ZNF581: variants seen among roughly 807,000 people sequenced by gnomAD.
ZNF581 encodes zinc finger protein 581.
A neutral mutation model predicts 1.2 loss-of-function variants in ZNF581; 1 was observed. The ratio of observed to expected loss-of-function variants is 0.83; its 90% CI spans 0.30 to 3.95. ZNF581 has a LOEUF of 3.95. ZNF581 is among the 30% of genes most tolerant of loss of function. The pLI, the probability that ZNF581 is intolerant of heterozygous loss-of-function variation, is 0.18. For synonymous variants in ZNF581, 105 were observed against 109.2 expected, an observed-to-expected ratio of 0.96 and a Z score of 0.24; for missense variants, 273 against 274.6, an observed-to-expected ratio of 0.99 and a Z score of 0.04.
At position 55,644,630 on chromosome 19, in the gene ZNF581, T is replaced by C; in HGVS notation, c.59T>C (p.Met20Thr). 4 of 1,610,592 alleles carry C rather than the reference T, an allele frequency of 2.5e-6. No homozygotes were observed. The highest frequency in any genetic ancestry group is 2.2e-5 in the South Asian group (2 of 90,328). ...QPLAFSSVET[M>T]EGPPRRTCRS... Reference sequence around the variant, plus strand: ...CTGGCATTTTCCTCCGTTGAGACCATGGAGGGCCCTCCCCGTCGGACTTGC... The same window carrying C: ...CTGGCATTTTCCTCCGTTGAGACCACGGAGGGCCCTCCCCGTCGGACTTGC... The change falls in exon 2 of 2, where the codon ATG (methionine) becomes ACG (threonine). Residue 20 changes from methionine to threonine, a missense_variant. Met to Thr is a moderately conservative substitution (Grantham distance 81, BLOSUM62 -1). Transcript: ENST00000270451. This position sits in a 1 kb window ranked among gnomAD's most constrained non-coding sequence, Gnocchi z 4.3.
chr19:55,636,487 A>G (rs545755928), upstream of ZNF581, among the ~76,000 whole-genome samples: 4 of 152,120 alleles, frequency 2.6e-5, no homozygotes, highest in South Asian at 4.1e-4. Context: ...GTAGGGAGGT[A>G]ATGCTTCACT....
upstream of ZNF581, among the ~76,000 whole-genome samples, chr19:55,636,975 CAG>C (rs1319438548): frequency 5.3e-5 from 8 of 152,148 alleles, no homozygotes; most frequent in Non-Finnish European, 1.2e-4. Context: ...CAGGGCCTTG[CAG>C]AGTGTCTGGG....
chr19:55,638,515 G>A (rs1044574082), upstream of ZNF581, among the ~76,000 whole-genome samples: 4 of 152,160 alleles, frequency 2.6e-5, no homozygotes, highest in Admixed American at 1.3e-4. Context: ...GATTACAGGC[G>A]TGAGCCACCA....
upstream of ZNF581, among the ~76,000 whole-genome samples, chr19:55,638,228 CTTTT>C (rs997629803): frequency 1.3e-5 from 2 of 151,634 alleles, no homozygotes; most frequent in Non-Finnish European, 2.9e-5. Flanking sequence ...AGGTGACACG[CTTTT>C]TTGTTTGTTT....
chr19:55,635,140 G>C (rs1471654797), upstream of ZNF581: 1 of 152,344 alleles, frequency 6.6e-6, no homozygotes, highest in Admixed American at 6.5e-5. Flanking sequence ...GTGTGGGACA[G>C]AGTGGCCCCC....
At chr19:55,641,369 G>A (rs901207793), upstream of ZNF581, among the ~76,000 whole-genome samples, 2 of 152,198 alleles carry the variant, frequency 1.3e-5, no homozygotes, top group Non-Finnish European at 2.9e-5. Context: ...AATAGGAGGG[G>A]CCCCAGGGCC....
At chr19:55,640,869 C>CG, upstream of ZNF581, 3 of 985,428 alleles carry the variant, frequency 3.0e-6, no homozygotes, top group South Asian at 4.7e-5. Flanking sequence ...GCGGGGCCGC[C>CG]GGGGGCGGGC....
chr19:55,640,896 A>G (rs115677751), upstream of ZNF581: 2,293 of 984,910 alleles, frequency 2.3e-3, 44 homozygotes, highest in African/African-American at 0.038. Context: ...AGTGGACCCC[A>G]CGCCTCCGGT....
At chr19:55,643,420 C>T (rs1446277112), upstream of ZNF581, 1 of 225,138 alleles carries the variant, frequency 4.4e-6, no homozygotes, top group South Asian at 1.8e-4. Flanking sequence ...GTATCTACCC[C>T]CCTTCCGCCC....
At chr19:55,642,767 G>A, upstream of ZNF581, 1 of 1,545,410 alleles carries the variant, frequency 6.5e-7, no homozygotes, top group Non-Finnish European at 8.7e-7. Context: ...AGGAGAGCCC[G>A]GCCCTCGCAA....
upstream of ZNF581, chr19:55,642,067 G>T (rs1269184039): frequency 7.1e-6 from 7 of 988,002 alleles, no homozygotes; most frequent in East Asian, 6.7e-4. Context: ...CTGAACTGGG[G>T]CTGGGCAACA....
At chr19:55,642,636 C>T, upstream of ZNF581, 2 of 1,436,118 alleles carry the variant, frequency 1.4e-6, no homozygotes, top group Non-Finnish European at 9.1e-7. Context: ...TCCTCGGCGG[C>T]GGGGCCCCGA....
chr19:55,637,480 T>G (rs1021333227), upstream of ZNF581, among the ~76,000 whole-genome samples: 5 of 151,944 alleles, frequency 3.3e-5, no homozygotes, highest in Non-Finnish European at 5.9e-5. Flanking sequence ...GAGGCTGCAG[T>G]GAGCTGAGAT....
At position 55,645,001 on chromosome 19, in the gene ZNF581, C is replaced by G. The variant is rs1352261248; in HGVS notation, c.430C>G (p.Pro144Ala). ...CATTCACCTGGCGGGTGGTGGGCGGCCCCACGGCTGCCCGCTCTGCCCTCG... is the reference window on the plus strand; with the variant it reads ...CATTCACCTGGCGGGTGGTGGGCGGGCCCACGGCTGCCCGCTCTGCCCTCG... ...HSIHLAGGGRPHGCPLCPRRF... is the reference protein window; with the variant it reads ...HSIHLAGGGRAHGCPLCPRRF... Residue 144 changes from proline (P) to alanine (A), a missense_variant, in exon 2 of 2, where the codon CCC (proline) becomes GCC (alanine). By Grantham distance (27) the Pro-to-Ala change is conservative. Coordinates refer to ENST00000270451, the MANE Select transcript of ZNF581 (RefSeq NM_016535.4). 3 of 1,600,528 alleles carry G rather than the reference C, an allele frequency of 1.9e-6. No individual in the cohort carries two copies. The Admixed American group carries it at 5.0e-5, about 27-fold the overall frequency.
upstream of ZNF581, among the ~76,000 whole-genome samples, chr19:55,637,169 C>T (rs1411663758): frequency 2.0e-5 from 3 of 151,870 alleles, no homozygotes; most frequent in African/African-American, 7.3e-5. Flanking sequence ...GTTGCTGTGT[C>T]TCAGAGGGGA....
chr19:55,636,145 C>T (rs1304332672), upstream of ZNF581, among the ~76,000 whole-genome samples: 5 of 152,106 alleles, frequency 3.3e-5, no homozygotes, highest in Non-Finnish European at 7.3e-5. Flanking sequence ...GAATGTTATG[C>T]ATGGTGCTGA....
rs772236647 is a variant in ZNF581 at position 55,644,592 on chromosome 19, C to G, written c.21C>G (p.Pro7=). ...TCCGGATGCTGGTGCTGCCATCCCC[C>G]TGCCCTCAGCCTCTGGCATTTTCCT... MLVLPS[P]CPQPLAFSSV... is the part of the protein sequence containing the mutation. Residue 7 remains proline, a synonymous_variant, in exon 2 of 2, where the codon CCC becomes CCG. Transcript: ENST00000270451. The surrounding 1 kb of genome is among the most constrained non-coding windows in gnomAD (Gnocchi z 4.3). The G allele has an allele frequency of 6.2e-7, 1 of 1,601,988 alleles. No individual in the cohort carries two copies. The highest frequency in any genetic ancestry group is 1.3e-5 in the African/African-American group (1 of 74,802).
At chr19:55,643,514 G>GT (rs1227378044), upstream of ZNF581, 23 of 161,430 alleles carry the variant, frequency 1.4e-4, no homozygotes, top group East Asian at 3.9e-3. Flanking sequence ...TGGGTGCTGG[G>GT]GGGTGGAGAC....
chr19:55,642,049 G>A (rs557611199), upstream of ZNF581: 2,936 of 985,890 alleles, frequency 3.0e-3, 4 homozygotes, highest in Middle Eastern at 0.025. Flanking sequence ...AAAGGGAGGG[G>A]AAGTAAACTG....
Sources: allele counts gnomAD v4.1 joint callset (sites outside exome capture counted in the v4.1 genomes callset), GRCh38; gene constraint gnomAD v4.1.1; non-coding constraint Gnocchi (gnomAD v3.1); transcripts MANE v1.5; gene names NCBI Gene and HGNC (gene_info 2026-07-23, HGNC 2026-07-21).